PARD3B: variants seen among roughly 807,000 people sequenced by gnomAD.
PARD3B encodes the protein par-3 family cell polarity regulator beta.
A neutral mutation model predicts 130.2 loss-of-function variants in PARD3B; 103 were observed. The observed-to-expected ratio is 0.79, with a 90% CI of 0.67 to 0.93. The LOEUF is 0.93. Ranked by LOEUF, PARD3B falls within the 40% of genes least tolerant of loss-of-function variation. The pLI is 0.00. For synonymous variants in PARD3B, 583 were observed against 553.2 expected (o/e 1.05, Z -0.76); for missense variants, 1,609 against 1,499.2 (o/e 1.07, Z -1.21).
intron 16 of PARD3B, among the ~76,000 whole-genome samples, chr2:205,252,131 G>T (rs2039876787): frequency 6.6e-6 from 1 of 152,128 alleles, no homozygotes; most frequent in African/African-American, 2.4e-5. Context: ...AAATATATCA[G>T]TCTTTTCCAT....
chr2:204,809,784 C>T (rs1244700809), intron 2 of PARD3B, among the ~76,000 whole-genome samples: 3 of 152,106 alleles, frequency 2.0e-5, no homozygotes, highest in Admixed American at 1.3e-4. Flanking sequence ...TGAAGAATGT[C>T]ATTGGTAGTT....
At chr2:204,942,909 G>GA (rs1465443015) in intron 2 of PARD3B, among the ~76,000 whole-genome samples, 1 of 152,082 alleles carries the variant, frequency 6.6e-6, no homozygotes. Context: ...GAGAGGAACA[G>GA]AAAAAACATC....
chr2:204,574,882 G>A (rs2032176014), intron 1 of PARD3B, among the ~76,000 whole-genome samples: 1 of 152,162 alleles, frequency 6.6e-6, no homozygotes, highest in Non-Finnish European at 1.5e-5. Flanking sequence ...ATACATGAAT[G>A]TATAAATTAA....
At chr2:205,079,598 T>TAAAC in intron 4 of PARD3B, among the ~76,000 whole-genome samples, 2 of 152,214 alleles carry the variant, frequency 1.3e-5, no homozygotes, top group Admixed American at 6.5e-5. Flanking sequence ...GCCACACTTC[T>TAAAC]TAATACTGTT....
At chr2:204,881,180 T>A (rs1157629220) in intron 2 of PARD3B, among the ~76,000 whole-genome samples, 1 of 152,248 alleles carries the variant, frequency 6.6e-6, no homozygotes, top group Non-Finnish European at 1.5e-5. Flanking sequence ...ACTCAGTTTT[T>A]TCTTTTGTTT....
intron 18 of PARD3B, among the ~76,000 whole-genome samples, chr2:205,383,037 A>T (rs139756094): frequency 3.6e-4 from 53 of 148,630 alleles, no homozygotes; most frequent in African/African-American, 1.2e-3. Flanking sequence ...TTGCTTGAGT[A>T]TCATTGTTTC....
chr2:205,579,336 T>A (rs1328582717), intron 22 of PARD3B, among the ~76,000 whole-genome samples: 2 of 152,114 alleles, frequency 1.3e-5, no homozygotes, highest in Non-Finnish European at 2.9e-5. Flanking sequence ...CTCATCCTCA[T>A]CCTCATCCTC....
At chr2:204,697,689 T>C (rs1225763952) in intron 2 of PARD3B, among the ~76,000 whole-genome samples, 1 of 152,212 alleles carries the variant, frequency 6.6e-6, no homozygotes, top group South Asian at 2.1e-4. Flanking sequence ...CAGTGTTGTT[T>C]GCTGACCTCA....
intron 1 of PARD3B, among the ~76,000 whole-genome samples, chr2:204,581,664 G>C (rs923314676): frequency 4.6e-5 from 7 of 152,082 alleles, no homozygotes; most frequent in Non-Finnish European, 1.0e-4. Context: ...CCATACCAGG[G>C]CTTGATATCC....
chr2:205,436,372 A>G (rs2047516700), intron 19 of PARD3B, among the ~76,000 whole-genome samples: 1 of 152,096 alleles, frequency 6.6e-6, no homozygotes, highest in African/African-American at 2.4e-5. Flanking sequence ...AATAAGTACC[A>G]TATTCCCTCT....
chr2:204,952,891 A>C (rs926648213), intron 2 of PARD3B, among the ~76,000 whole-genome samples: 2 of 151,504 alleles, frequency 1.3e-5, no homozygotes, highest in African/African-American at 2.4e-5. Context: ...CAGCTACTCA[A>C]GAGGCTGATG....
intron 1 of PARD3B, among the ~76,000 whole-genome samples, chr2:204,559,457 A>G (rs2125053121): frequency 1.3e-5 from 2 of 152,364 alleles, no homozygotes; most frequent in South Asian, 4.1e-4. Context: ...ATCACTGATC[A>G]TCAGAGAAAT....
chr2:205,045,103 C>T (rs998302096), intron 3 of PARD3B, among the ~76,000 whole-genome samples: 10 of 147,214 alleles, frequency 6.8e-5, no homozygotes, highest in African/African-American at 2.0e-4. Flanking sequence ...AAGATCTAGC[C>T]ATCTTAAAGT....
At chr2:204,690,511 G>C (rs776064271) in intron 2 of PARD3B, among the ~76,000 whole-genome samples, 3 of 152,104 alleles carry the variant, frequency 2.0e-5, no homozygotes, top group Non-Finnish European at 4.4e-5. Context: ...ATGTGAGAAA[G>C]ACACACCCAG....
At position 205,591,166 on chromosome 2, in the gene PARD3B, T is replaced by TA. The variant is rs1360184319; in HGVS notation, c.3261-24289dup. Among the ~76,000 whole-genome samples the TA allele has an allele frequency of 1.3e-5, 2 of 148,752 alleles. No homozygotes were observed. Among genetic ancestry groups the TA allele is most frequent in the African/African-American group, 5.0e-5 (2 of 40,126 alleles). On this transcript the variant is annotated intron_variant, in intron 22 of 22. Transcript: ENST00000406610. The surrounding 1 kb of genome is among the most constrained non-coding windows in gnomAD (Gnocchi z 4.2). ...TGTAGACCCACCAAGGAGTAGCAGT[T>TA]AGACATCTAGAATATAACTAGGACA... is the stretch of plus-strand genomic sequence containing the variant.
In PARD3B at chr2:205,492,865, A is replaced by C. The variant is rs149562102; in HGVS notation, c.3045-7031A>C. ...GGGCACACTATATAAATGTATTTTC[A>C]TTATGAGATGTTAAATCTGGAGAGT... On this transcript the variant is annotated intron_variant, in intron 20 of 22. Coordinates refer to ENST00000406610, the MANE Select transcript of PARD3B (RefSeq NM_001302769.2). Among the ~76,000 whole-genome samples the C allele has an allele frequency of 3.9e-5, 6 of 152,270 alleles. No homozygotes were observed. The East Asian group carries it at 1.2e-3, about 29-fold the overall frequency.
At chr2:204,858,245 C>T (rs1414061384) in intron 2 of PARD3B, among the ~76,000 whole-genome samples, 6 of 151,910 alleles carry the variant, frequency 3.9e-5, no homozygotes, top group Non-Finnish European at 8.8e-5. Context: ...AGTTAAAGTA[C>T]CAGAGAGGAT....
intron 22 of PARD3B, among the ~76,000 whole-genome samples, chr2:205,605,483 T>C (rs2054956877): frequency 6.6e-6 from 1 of 151,978 alleles, no homozygotes; most frequent in Non-Finnish European, 1.5e-5. Context: ...TGTTGTTTTT[T>C]GTTTGTTTGT....
At chr2:204,638,519 G>C (rs2034964833) in intron 1 of PARD3B, among the ~76,000 whole-genome samples, 1 of 152,164 alleles carries the variant, frequency 6.6e-6, no homozygotes, top group Non-Finnish European at 1.5e-5. Context: ...GTGTAATTTT[G>C]TTATTTAGAG....
Sources: allele counts gnomAD v4.1 joint callset (sites outside exome capture counted in the v4.1 genomes callset), GRCh38; gene constraint gnomAD v4.1.1; non-coding constraint Gnocchi (gnomAD v3.1); transcripts MANE v1.5; gene names NCBI Gene and HGNC (gene_info 2026-07-23, HGNC 2026-07-21).